Variants in PLPP1 observed in about 807,000 individuals in gnomAD.
PLPP1 encodes phospholipid phosphatase 1.
PLPP1 carries 24 observed loss-of-function variants against 31.2 expected under a neutral mutation model. That is an observed-to-expected ratio of 0.77 (90% CI 0.56 to 1.08). PLPP1 has a LOEUF of 1.08. Ranked by LOEUF, PLPP1 falls within the 50% of genes least tolerant of loss-of-function variation. The probability of loss-of-function intolerance (pLI) is 0.00; values close to 1 mark genes in which losing one functional copy is unlikely to be tolerated. For synonymous variants in PLPP1, 146 were observed against 126.3 expected, an observed-to-expected ratio of 1.16 and a Z score of -1.05; for missense variants, 319 against 342.7, an observed-to-expected ratio of 0.93 and a Z score of 0.55.
intron 1 of PLPP1, among the ~76,000 whole-genome samples, chr5:55,478,166 T>G (rs945510829): frequency 6.6e-6 from 1 of 152,116 alleles, no homozygotes; most frequent in Admixed American, 6.5e-5. Flanking sequence ...TGTTCCCCCC[T>G]GACCACAAAA....
intron 1 of PLPP1, 118 bp from the exon 2 acceptor site, chr5:55,475,568 G>A: frequency 1.1e-6 from 1 of 910,700 alleles, no homozygotes; most frequent in Non-Finnish European, 1.6e-6. Flanking sequence ...ATAAATGAGA[G>A]CACATGTAAA....
chr5:55,438,894 C>G (rs1442265075), intron 4 of PLPP1, among the ~76,000 whole-genome samples: 1 of 150,414 alleles, frequency 6.6e-6, no homozygotes, highest in Non-Finnish European at 1.5e-5. Context: ...GAGCAAGACT[C>G]CGTCTAAAAA....
In PLPP1 at chr5:55,447,790, G is replaced by A. The variant is rs189478878; in HGVS notation, c.492-5882C>T. 3.8e-3 allele frequency among the ~76,000 whole-genome samples: 582 copies of A among 152,324 alleles called. 4 individuals carry two copies. The highest frequency in any genetic ancestry group is 0.013 in the African/African-American group (556 of 41,580). On this transcript the variant is annotated intron_variant, in intron 3 of 5. Transcript: ENST00000307259. ...AGACTTAATCCATGAAGAAATAGAT[G>A]TTGTCAATGTAAAAATTGTCTTCTT... is the stretch of plus-strand genomic sequence containing the variant.
At chr5:55,434,151 A>C (rs1174906287) in intron 4 of PLPP1, among the ~76,000 whole-genome samples, 1 of 150,628 alleles carries the variant, frequency 6.6e-6, no homozygotes, top group Non-Finnish European at 1.5e-5. Context: ...AAAAAAAAAG[A>C]GCAATCCCAT....
intron 1 of PLPP1, among the ~76,000 whole-genome samples, chr5:55,500,673 A>AGT (rs1753122182): frequency 6.6e-6 from 1 of 152,142 alleles, no homozygotes; most frequent in Non-Finnish European, 1.5e-5. Context: ...TCTGTACTCT[A>AGT]ACTGAGGGGG....
At chr5:55,425,683 A>T in intron 5 of PLPP1, 180 bp downstream of exon 5, 2 of 541,934 alleles carry the variant, frequency 3.7e-6, no homozygotes, top group Non-Finnish European at 6.0e-6. Context: ...ACTAAGTTTT[A>T]GAAAGAGCAA....
intron 1 of PLPP1, among the ~76,000 whole-genome samples, chr5:55,519,627 G>A (rs1053855064): frequency 6.6e-6 from 1 of 151,974 alleles, no homozygotes; most frequent in African/African-American, 2.4e-5. Context: ...GTGAGCACCT[G>A]TAATCCCAGC....
intron 1 of PLPP1, among the ~76,000 whole-genome samples, chr5:55,503,349 T>C (rs1427757206): frequency 2.0e-5 from 3 of 152,256 alleles, no homozygotes; most frequent in African/African-American, 7.2e-5. Flanking sequence ...CCTGGTCATC[T>C]GGCTGTAATG....
At chr5:55,441,951 G>A (rs1751631051) in intron 3 of PLPP1, 43 bp from the exon 4 acceptor site, 7 of 1,570,542 alleles carry the variant, frequency 4.5e-6, no homozygotes, top group Non-Finnish European at 6.1e-6. Flanking sequence ...TCTCTTAGGA[G>A]CCAAAAGTAT....
At chr5:55,530,952 AGGTGAC>A (rs1372634153) in intron 1 of PLPP1, among the ~76,000 whole-genome samples, 5 of 152,326 alleles carry the variant, frequency 3.3e-5, no homozygotes, top group Admixed American at 2.0e-4. Context: ...GCAGCGGCCG[AGGTGAC>A]GGTGACGGCC....
intron 4 of PLPP1, among the ~76,000 whole-genome samples, chr5:55,440,340 T>C (rs1280188345): frequency 6.6e-6 from 1 of 152,192 alleles, no homozygotes; most frequent in Non-Finnish European, 1.5e-5. Flanking sequence ...GCTCTCAGGA[T>C]AGTAACGGCT....
In PLPP1 at chr5:55,468,127, G is replaced by A. The variant is rs968137421; in HGVS notation, c.233C>T (p.Ser78Phe). 1 of 1,600,638 alleles carries A rather than the reference G, an allele frequency of 6.2e-7. No homozygotes were observed. The highest frequency in any genetic ancestry group is 8.5e-7 in the Non-Finnish European group (1 of 1,172,632). The change falls in exon 3 of 6, where the codon TCT (serine) becomes TTT (phenylalanine). Residue 78 changes from serine to phenylalanine, a missense_variant. Ser to Phe is a radical substitution (Grantham distance 155). Coordinates refer to ENST00000307259, the MANE Select transcript of PLPP1 (RefSeq NM_003711.4). ...IIVIILGETL[S>F]VYCNLLHSNS... ...TGAGTGCAAAAGGTTACAGTAAACA[G>A]ACAGGGTTTCTCCAAGAATAATCTG... is the stretch of plus-strand genomic sequence containing the variant.
chr5:55,487,120 A>C (rs975491658), intron 1 of PLPP1, among the ~76,000 whole-genome samples: 1 of 152,230 alleles, frequency 6.6e-6, no homozygotes, highest in African/African-American at 2.4e-5. Flanking sequence ...ACTTACAGTC[A>C]GTACTCAAGT....
intron 3 of PLPP1, among the ~76,000 whole-genome samples, chr5:55,446,346 A>C (rs1579928854): frequency 6.6e-6 from 1 of 152,102 alleles, no homozygotes; most frequent in East Asian, 1.9e-4. Flanking sequence ...TGCTTAATCA[A>C]TATGTTACAC....
chr5:55,479,118 G>A (rs1019386621), intron 1 of PLPP1, among the ~76,000 whole-genome samples: 1 of 151,266 alleles, frequency 6.6e-6, no homozygotes, highest in Non-Finnish European at 1.5e-5. Flanking sequence ...TCCACCTTCC[G>A]GGTTCAAGCG....
intron 1 of PLPP1, among the ~76,000 whole-genome samples, chr5:55,506,263 T>TAA (rs201809819): frequency 0.011 from 1,403 of 128,488 alleles, 21 homozygotes; most frequent in African/African-American, 0.028. Context: ...AGCAAATTAC[T>TAA]AAAAAAAAAA....
intron 1 of PLPP1, among the ~76,000 whole-genome samples, chr5:55,522,505 T>C (rs2111939850): frequency 6.6e-6 from 1 of 152,270 alleles, no homozygotes; most frequent in East Asian, 1.9e-4. Flanking sequence ...CAAGCAATCC[T>C]CCTGCCTCAG....
At chr5:55,435,196 CAGTT>C (rs1408589325) in intron 4 of PLPP1, among the ~76,000 whole-genome samples, 1 of 152,122 alleles carries the variant, frequency 6.6e-6, no homozygotes, top group Non-Finnish European at 1.5e-5. Flanking sequence ...AATCTTACCT[CAGTT>C]AGAATGGCCA....
At chr5:55,497,817 C>T (rs1284847070) in intron 1 of PLPP1, among the ~76,000 whole-genome samples, 1 of 152,080 alleles carries the variant, frequency 6.6e-6, no homozygotes, top group Non-Finnish European at 1.5e-5. Flanking sequence ...CAAAGAGGGC[C>T]CCATGATATG....
Sources: allele counts gnomAD v4.1 joint callset (sites outside exome capture counted in the v4.1 genomes callset), GRCh38; gene constraint gnomAD v4.1.1; transcripts MANE v1.5; gene names NCBI Gene and HGNC (gene_info 2026-07-23, HGNC 2026-07-21).